Variants in PPAT observed in about 807,000 individuals in gnomAD.
PPAT encodes the protein phosphoribosyl pyrophosphate amidotransferase, also known as amidophosphoribosyltransferase.
A neutral mutation model predicts 60.2 loss-of-function variants in PPAT; 20 were observed. That is an observed-to-expected ratio of 0.33 (90% CI 0.23 to 0.48). The LOEUF (loss-of-function observed/expected upper bound fraction) is 0.48, where lower values mean the gene tolerates loss of function less well. PPAT is among the 20% of genes least tolerant of loss of function. The pLI is 0.99. For missense variants in PPAT, 349 were observed against 629.6 expected (o/e 0.55, Z 4.77); for synonymous variants, 194 against 215.1 (o/e 0.90, Z 0.86).
chr4:56,421,705 A>G (rs1717046908), intron 1 of PPAT: 1 of 152,278 alleles, frequency 6.6e-6, no homozygotes, highest in African/African-American at 2.4e-5. Context: ...TGGACAAGAA[A>G]GAAACTGGTA....
At chr4:56,435,315 A>G (rs1046405755) in intron 1 of PPAT, 35 bp downstream of exon 1, 3 of 1,610,496 alleles carry the variant, frequency 1.9e-6, no homozygotes, top group African/African-American at 1.3e-5. Context: ...AGAGATGGAG[A>G]CGCACGCCCC....
intron 9 of PPAT, among the ~76,000 whole-genome samples, chr4:56,397,584 C>A (rs555241158): frequency 6.6e-6 from 1 of 152,124 alleles, no homozygotes; most frequent in Admixed American, 6.5e-5. Context: ...ATTTACATAA[C>A]TATTAGTTGT....
chr4:56,412,782 A>AG (rs1716527145), intron 1 of PPAT, among the ~76,000 whole-genome samples: 2 of 152,174 alleles, frequency 1.3e-5, no homozygotes. Context: ...ATCATGTCTC[A>AG]TATGGAATAT....
chr4:56,425,716 A>G (rs960836713), intron 1 of PPAT, among the ~76,000 whole-genome samples: 1 of 152,172 alleles, frequency 6.6e-6, no homozygotes, highest in Non-Finnish European at 1.5e-5. Context: ...AGTCACCGAA[A>G]AAGACCGACC....
intron 1 of PPAT, among the ~76,000 whole-genome samples, chr4:56,423,699 A>C (rs1487086061): frequency 6.6e-6 from 1 of 152,098 alleles, no homozygotes; most frequent in Non-Finnish European, 1.5e-5. Flanking sequence ...CCAAATATGA[A>C]ATATTTGGAA....
intron 1 of PPAT, among the ~76,000 whole-genome samples, chr4:56,415,043 T>C (rs993904386): frequency 2.6e-5 from 4 of 152,222 alleles, no homozygotes; most frequent in African/African-American, 7.2e-5. Context: ...GAAACCCTAA[T>C]AGAGTTTTTA....
At chr4:56,395,911 A>G (rs1408496534) in intron 10 of PPAT, among the ~76,000 whole-genome samples, 1 of 152,182 alleles carries the variant, frequency 6.6e-6, no homozygotes, top group Non-Finnish European at 1.5e-5. Flanking sequence ...CTATTTTTTC[A>G]TCTATATAAG....
At chr4:56,426,847 C>G (rs973215342) in intron 1 of PPAT, among the ~76,000 whole-genome samples, 3 of 152,126 alleles carry the variant, frequency 2.0e-5, no homozygotes, top group Admixed American at 6.6e-5. Flanking sequence ...ATCTCCAGAG[C>G]TTTTTCATCA....
At chr4:56,413,682 G>T (rs1324471929) in intron 1 of PPAT, among the ~76,000 whole-genome samples, 1 of 151,950 alleles carries the variant, frequency 6.6e-6, no homozygotes, top group African/African-American at 2.4e-5. Flanking sequence ...GATCACCTGA[G>T]GTCAGGAGTT....
At chr4:56,406,738 G>A (rs201432949) in intron 2 of PPAT, 37 bp from the exon 3 acceptor site, 1 of 1,452,502 alleles carries the variant, frequency 6.9e-7, no homozygotes, top group African/African-American at 1.4e-5. Flanking sequence ...GAAAAAAACA[G>A]ACTAGTACTG....
intron 1 of PPAT, among the ~76,000 whole-genome samples, chr4:56,411,935 T>G (rs896650567): frequency 6.6e-6 from 1 of 152,222 alleles, no homozygotes; most frequent in Non-Finnish European, 1.5e-5. Context: ...CTACATTCTT[T>G]CCATTTCTGA....
At chr4:56,409,851 T>C (rs984312463) in intron 1 of PPAT, among the ~76,000 whole-genome samples, 2 of 152,238 alleles carry the variant, frequency 1.3e-5, no homozygotes, top group African/African-American at 2.4e-5. Flanking sequence ...TTCAAAATTA[T>C]ATATTGCAAT....
At chr4:56,431,831 G>A (rs1047079744) in intron 1 of PPAT, among the ~76,000 whole-genome samples, 6 of 152,144 alleles carry the variant, frequency 3.9e-5, no homozygotes, top group Non-Finnish European at 7.4e-5. Context: ...TCAGAACTCC[G>A]CAAACTACTG....
chr4:56,400,979 A>G, intron 7 of PPAT, 68 bp from the exon 8 acceptor site: 1 of 1,449,296 alleles, frequency 6.9e-7, no homozygotes, highest in Non-Finnish European at 9.5e-7. Context: ...ATTCTAAAAA[A>G]CTAGTGCTAG....
intron 1 of PPAT, among the ~76,000 whole-genome samples, chr4:56,434,578 T>G (rs760310517): frequency 6.6e-6 from 1 of 152,152 alleles, no homozygotes; most frequent in South Asian, 2.1e-4. Context: ...CAAAATCAAG[T>G]GTATGGATCT....
intron 3 of PPAT, among the ~76,000 whole-genome samples, 185 bp from the exon 4 acceptor site, chr4:56,403,586 T>A (rs1716172824): frequency 6.6e-6 from 1 of 152,160 alleles, no homozygotes; most frequent in South Asian, 2.1e-4. Context: ...GAAGACAATT[T>A]TTCCATGGAC....
intron 1 of PPAT, among the ~76,000 whole-genome samples, chr4:56,417,220 T>C (rs1716801850): frequency 6.6e-6 from 1 of 151,936 alleles, no homozygotes; most frequent in Non-Finnish European, 1.5e-5. Flanking sequence ...AACTTATTTG[T>C]AACCCAAATA....
chr4:56,415,470 A>C (rs1716680884), intron 1 of PPAT, among the ~76,000 whole-genome samples: 1 of 152,242 alleles, frequency 6.6e-6, no homozygotes, highest in African/African-American at 2.4e-5. Context: ...CCTATATAAA[A>C]GCATCCAAAC....
intron 1 of PPAT, among the ~76,000 whole-genome samples, chr4:56,423,774 T>C (rs988364123): frequency 6.6e-6 from 1 of 152,044 alleles, no homozygotes; most frequent in Non-Finnish European, 1.5e-5. Context: ...TATTTTAAAC[T>C]GTCACATGAA....
Sources: gnomAD v4.1 joint callset for allele counts (sites outside exome capture counted in the v4.1 genomes callset) on GRCh38, gnomAD v4.1.1 for gene constraint, MANE v1.5 for transcripts, NCBI Gene and HGNC (gene_info 2026-07-23, HGNC 2026-07-21) for gene names.